The following FAM168A variants were observed in gnomAD, a reference collection of about 807,000 sequenced individuals.
The protein encoded by FAM168A is family with sequence similarity 168 member A, also known as protein FAM168A.
A neutral mutation model predicts 28.5 loss-of-function variants in FAM168A; 3 were observed. That is an observed-to-expected ratio of 0.11 (90% CI 0.05 to 0.27). The LOEUF (loss-of-function observed/expected upper bound fraction) is 0.27. Among genes scored for constraint, FAM168A ranks in the 10% least tolerant of loss-of-function variants. FAM168A has a pLI of 1.00. For synonymous variants in FAM168A, 122 were observed against 124.2 expected, an observed-to-expected ratio of 0.98 and a Z score of 0.12; for missense variants, 222 against 311.5, an observed-to-expected ratio of 0.71 and a Z score of 2.16.
intron 1 of FAM168A, among the ~76,000 whole-genome samples, chr11:73,582,250 C>G (rs975101583): frequency 6.6e-6 from 1 of 151,100 alleles, no homozygotes; most frequent in Non-Finnish European, 1.5e-5. Flanking sequence ...GGCCGGGCAC[C>G]GTGACTCATG....
intron 1 of FAM168A, among the ~76,000 whole-genome samples, chr11:73,583,857 A>G (rs1446471309): frequency 2.0e-5 from 3 of 152,230 alleles, no homozygotes. Context: ...GAACTACCTC[A>G]GATACCATAT....
intron 1 of FAM168A, among the ~76,000 whole-genome samples, chr11:73,474,058 C>T (rs184025334): frequency 4.6e-5 from 7 of 152,262 alleles, no homozygotes; most frequent in Middle Eastern, 3.4e-3. Context: ...GATCCACCCA[C>T]CTCGACCTCC....
chr11:73,552,468 A>G (rs1321020028), intron 1 of FAM168A, among the ~76,000 whole-genome samples: 1 of 152,150 alleles, frequency 6.6e-6, no homozygotes, highest in Non-Finnish European at 1.5e-5. Context: ...TAAAGGCTTT[A>G]TAACAGTGCC....
intron 1 of FAM168A, among the ~76,000 whole-genome samples, chr11:73,520,807 G>A (rs1393414618): frequency 2.6e-5 from 4 of 151,374 alleles, no homozygotes; most frequent in Non-Finnish European, 4.4e-5. Context: ...TCTCTTATCA[G>A]GTGTCAAGCC....
chr11:73,456,295 G>C (rs1867530643), intron 2 of FAM168A, among the ~76,000 whole-genome samples: 1 of 152,148 alleles, frequency 6.6e-6, no homozygotes, highest in Non-Finnish European at 1.5e-5. Context: ...AAAACTCTCA[G>C]CATGGTAATG....
intron 1 of FAM168A, among the ~76,000 whole-genome samples, chr11:73,562,516 G>C (rs1590731107): frequency 6.6e-6 from 1 of 152,158 alleles, no homozygotes; most frequent in Non-Finnish European, 1.5e-5. Context: ...TAGAGTCTGA[G>C]TTTAACATTC....
chr11:73,558,994 T>A (rs1259082496), intron 1 of FAM168A, among the ~76,000 whole-genome samples: 1 of 152,196 alleles, frequency 6.6e-6, no homozygotes, highest in Non-Finnish European at 1.5e-5. Context: ...TCTACCCACA[T>A]GTTCATAGCA....
chr11:73,563,452 A>G (rs754714506), intron 1 of FAM168A, among the ~76,000 whole-genome samples: 1 of 152,246 alleles, frequency 6.6e-6, no homozygotes, highest in East Asian at 1.9e-4. Context: ...GTCATCACTA[A>G]TAAATATTCA....
intron 2 of FAM168A, among the ~76,000 whole-genome samples, chr11:73,441,455 A>C (rs995562788): frequency 6.6e-5 from 10 of 152,252 alleles, no homozygotes; most frequent in Non-Finnish European, 1.2e-4. Context: ...ATTTGTATTC[A>C]AATGGGTTAT....
chr11:73,445,199 C>T (rs956845393), intron 2 of FAM168A, among the ~76,000 whole-genome samples: 5 of 150,598 alleles, frequency 3.3e-5, no homozygotes, highest in East Asian at 1.9e-4. Flanking sequence ...GTAGAGGTTG[C>T]GGCAAGCCAA....
intron 1 of FAM168A, among the ~76,000 whole-genome samples, chr11:73,518,116 C>G (rs78019621): frequency 3.2e-3 from 487 of 152,266 alleles, no homozygotes; most frequent in Middle Eastern, 6.8e-3. Flanking sequence ...GTGACAGAAC[C>G]AAGCTCTGAA....
chr11:73,552,072 A>G (rs1420912316), intron 1 of FAM168A, among the ~76,000 whole-genome samples: 1 of 152,204 alleles, frequency 6.6e-6, no homozygotes, highest in Non-Finnish European at 1.5e-5. Context: ...GGACTTTCTT[A>G]TCTTTGACCT....
chr11:73,441,663 G>A (rs1046055083), intron 2 of FAM168A, among the ~76,000 whole-genome samples: 1 of 152,116 alleles, frequency 6.6e-6, no homozygotes, highest in African/African-American at 2.4e-5. Flanking sequence ...TTTTCTTTGC[G>A]GAAAGTTTTT....
chr11:73,436,609 C>T (rs113557998), intron 2 of FAM168A, among the ~76,000 whole-genome samples: 48 of 152,296 alleles, frequency 3.2e-4, no homozygotes, highest in African/African-American at 9.9e-4. Flanking sequence ...GTTCTGGCCA[C>T]TGTGCTAGGC....
chr11:73,513,650 GA>G (rs1214072479), intron 1 of FAM168A, among the ~76,000 whole-genome samples: 1 of 152,086 alleles, frequency 6.6e-6, no homozygotes, highest in Non-Finnish European at 1.5e-5. Flanking sequence ...TCACATCCTG[GA>G]GGACGACGGC....
intron 1 of FAM168A, among the ~76,000 whole-genome samples, chr11:73,498,160 C>T (rs191991636): frequency 6.6e-6 from 1 of 152,138 alleles, no homozygotes; most frequent in East Asian, 1.9e-4. Context: ...TTTGGAGGCT[C>T]CCATCGAAAA....
chr11:73,407,279 G>A lies in FAM168A; in HGVS notation c.*18+234C>T, dbSNP rs143220066. On this transcript the variant is annotated intron_variant, in intron 7 of 7. Coordinates refer to ENST00000356467, the MANE Select transcript of FAM168A (RefSeq NM_015159.3). ...CTATAAGGATTATGAGATAACATAA[G>A]CAAAGGGATAGCTATTATTATTTCT... Among the ~76,000 whole-genome samples the A allele has an allele frequency of 5.9e-3, 903 of 152,308 alleles. 9 individuals carry two copies. Among genetic ancestry groups the A allele is most frequent in the Middle Eastern group, 0.027 (8 of 294 alleles).
chr11:73,438,131 T>C (rs142570418), intron 2 of FAM168A, among the ~76,000 whole-genome samples: 70 of 152,290 alleles, frequency 4.6e-4, no homozygotes, highest in African/African-American at 1.4e-3. Context: ...ATCATCATCA[T>C]CATCACCATC....
At chr11:73,509,774 A>G (rs984621797) in intron 1 of FAM168A, among the ~76,000 whole-genome samples, 2 of 152,092 alleles carry the variant, frequency 1.3e-5, no homozygotes, top group Admixed American at 6.6e-5. Context: ...GGCTTTCTAA[A>G]CTGTATAAAG....
Sources: allele counts gnomAD v4.1 joint callset (sites outside exome capture counted in the v4.1 genomes callset), GRCh38; gene constraint gnomAD v4.1.1; transcripts MANE v1.5; gene names NCBI Gene and HGNC (gene_info 2026-07-23, HGNC 2026-07-21).